Variants in RGS5 observed in about 807,000 individuals in gnomAD.
The protein encoded by RGS5 is regulator of G protein signaling 5.
A neutral mutation model predicts 18.9 loss-of-function variants in RGS5; 20 were observed. That is an observed-to-expected ratio of 1.06 (90% confidence interval 0.74 to 1.54). The LOEUF is 1.54. Among genes scored for constraint, RGS5 ranks in the 40% most tolerant of loss-of-function variants. The pLI is 0.00. For missense variants in RGS5, 201 were observed against 211.8 expected, an observed-to-expected ratio of 0.95 and a Z score of 0.32; for synonymous variants, 57 against 76.2, an observed-to-expected ratio of 0.75 and a Z score of 1.31.
At chr1:163,265,384 T>C (rs1557924804) in intron 2 of RGS5, among the ~76,000 whole-genome samples, 1 of 152,170 alleles carries the variant, frequency 6.6e-6, no homozygotes, top group Non-Finnish European at 1.5e-5. Context: ...TTTACTTCAA[T>C]GCTAATTTAT....
At chr1:163,226,676 C>T (rs993729523) in intron 2 of RGS5, among the ~76,000 whole-genome samples, 6 of 152,114 alleles carry the variant, frequency 3.9e-5, no homozygotes, top group Non-Finnish European at 8.8e-5. Context: ...GTACAAAGAA[C>T]TAACTAGAGA....
intron 2 of RGS5, among the ~76,000 whole-genome samples, chr1:163,288,558 TATTG>T (rs773263252): frequency 1.3e-5 from 2 of 152,232 alleles, no homozygotes; most frequent in African/African-American, 2.4e-5. Flanking sequence ...ACAAATGCTC[TATTG>T]ATTCTTTTTT....
At chr1:163,276,219 C>G (rs1194455169) in intron 2 of RGS5, among the ~76,000 whole-genome samples, 1 of 152,106 alleles carries the variant, frequency 6.6e-6, no homozygotes, top group Non-Finnish European at 1.5e-5. Flanking sequence ...GTCTCGAACT[C>G]CCGACCTCAG....
chr1:163,289,318 G>T (rs141599308), intron 2 of RGS5, among the ~76,000 whole-genome samples: 2 of 151,494 alleles, frequency 1.3e-5, no homozygotes, highest in African/African-American at 4.9e-5. Flanking sequence ...ACCTTTCTTG[G>T]TGTGTCCAAC....
rs1283819723 is a variant in RGS5 at position 163,145,139 on chromosome 1, C to G, written c.*2203G>C. 1 of 152,160 alleles carries G rather than the reference C, an allele frequency of 6.6e-6. No homozygotes were observed. The highest frequency in any genetic ancestry group is 1.5e-5 in the Non-Finnish European group (1 of 68,042). 9.4% of individuals were successfully genotyped at this position (152,160 alleles called of 1,614,324 possible). On this transcript the variant is annotated 3_prime_UTR_variant, in exon 5 of 5. Coordinates refer to ENST00000313961, the MANE Select transcript of RGS5 (RefSeq NM_003617.4). Reference sequence around the variant, plus strand: ...CTTATTTTCCGCTGAGAGGTCTACCCACTTTCATAGGGTGTCCAGTCAATT... The same window carrying G: ...CTTATTTTCCGCTGAGAGGTCTACCGACTTTCATAGGGTGTCCAGTCAATT...
At chr1:163,184,931 C>T (rs958730821) in intron 1 of RGS5, among the ~76,000 whole-genome samples, 7 of 152,110 alleles carry the variant, frequency 4.6e-5, no homozygotes, top group African/African-American at 9.7e-5. Context: ...GCAGCAAATA[C>T]GAAACTAATA....
At chr1:163,182,535 C>G (rs535871306) in intron 1 of RGS5, among the ~76,000 whole-genome samples, 5 of 152,244 alleles carry the variant, frequency 3.3e-5, no homozygotes, top group South Asian at 4.1e-4. Context: ...GAGTAGGTTA[C>G]TGGGGGTAAG....
Position 163,146,625 on chromosome 1 carries a change from T to A in RGS5, c.*717A>T, listed in dbSNP as rs561003872. ...TTCATTGTTGATCTTAGGTCATTGATTTAAAACAGAATTTGGTGACTATGG... is the reference window on the plus strand; with the variant it reads ...TTCATTGTTGATCTTAGGTCATTGAATTAAAACAGAATTTGGTGACTATGG... On this transcript the variant is annotated 3_prime_UTR_variant, in exon 5 of 5. Transcript: ENST00000313961. 7.9e-5 allele frequency: 12 copies of A among 152,284 alleles called. No individual in the cohort carries two copies. The East Asian group carries it at 1.9e-3, about 24-fold the overall frequency. 9.4% of individuals were successfully genotyped at this position (152,284 alleles called of 1,614,324 possible).
chr1:163,238,926 G>A (rs900920000), intron 2 of RGS5: 2 of 195,836 alleles, frequency 1.0e-5, no homozygotes, highest in African/African-American at 4.8e-5. Context: ...TTAAAAATAG[G>A]AAAGATTTAA....
chr1:163,173,822 T>C (rs1419257001), intron 1 of RGS5, among the ~76,000 whole-genome samples: 3 of 152,124 alleles, frequency 2.0e-5, no homozygotes, highest in East Asian at 3.9e-4. Context: ...ATGCCTGTAA[T>C]CCCAGCACTT....
chr1:163,286,484 CTATTT>C (rs1386958706), intron 2 of RGS5, among the ~76,000 whole-genome samples: 1 of 151,860 alleles, frequency 6.6e-6, no homozygotes, highest in Non-Finnish European at 1.5e-5. Context: ...TTATTTTTTC[CTATTT>C]TATCTTTTTC....
chr1:163,158,938 A>G (rs1019635720), intron 3 of RGS5, among the ~76,000 whole-genome samples: 3 of 152,124 alleles, frequency 2.0e-5, no homozygotes, highest in African/African-American at 7.2e-5. Flanking sequence ...GCCGTTCCCA[A>G]AGCGGCCATT....
At chr1:163,229,776 A>G (rs185866451) in intron 2 of RGS5, among the ~76,000 whole-genome samples, 1 of 152,306 alleles carries the variant, frequency 6.6e-6, no homozygotes, top group African/African-American at 2.4e-5. Flanking sequence ...TTAAAATTTC[A>G]ACACATACAC....
intron 2 of RGS5, among the ~76,000 whole-genome samples, chr1:163,265,865 A>G (rs1012172598): frequency 3.9e-5 from 6 of 152,106 alleles, no homozygotes; most frequent in Admixed American, 2.0e-4. Context: ...CTACTTGTTA[A>G]AAGTTAGCCA....
At chr1:163,255,974 G>C (rs953398344) in intron 2 of RGS5, among the ~76,000 whole-genome samples, 17 of 152,050 alleles carry the variant, frequency 1.1e-4, no homozygotes, top group African/African-American at 3.9e-4. Flanking sequence ...AATAATAAGA[G>C]CTATCTATGA....
At chr1:163,153,535 T>C (rs1161398381) in intron 3 of RGS5, among the ~76,000 whole-genome samples, 2 of 152,074 alleles carry the variant, frequency 1.3e-5, no homozygotes, top group African/African-American at 2.4e-5. Context: ...CTTTAACATG[T>C]TAAATGCAAT....
chr1:163,305,713 T>A (rs1276667672), intron 2 of RGS5, among the ~76,000 whole-genome samples: 1 of 152,234 alleles, frequency 6.6e-6, no homozygotes, highest in Non-Finnish European at 1.5e-5. Flanking sequence ...ACAGTGGGCC[T>A]GCAGGTTCTA....
At chr1:163,216,371 T>G (rs115177654) in intron 1 of RGS5, among the ~76,000 whole-genome samples, 1,634 of 152,200 alleles carry the variant, frequency 0.011, 32 homozygotes, top group African/African-American at 0.036. Context: ...CTGGGAAATT[T>G]TAACCATATG....
intron 2 of RGS5, among the ~76,000 whole-genome samples, chr1:163,228,221 A>G (rs1221331864): frequency 6.6e-6 from 1 of 152,218 alleles, no homozygotes; most frequent in Non-Finnish European, 1.5e-5. Context: ...GAGGTTCTCC[A>G]TGATGGCTCT....
Sources: allele counts gnomAD v4.1 joint callset (sites outside exome capture counted in the v4.1 genomes callset), GRCh38; gene constraint gnomAD v4.1.1; transcripts MANE v1.5; gene names NCBI Gene and HGNC (gene_info 2026-07-23, HGNC 2026-07-21).